DMD: variants seen among roughly 807,000 people sequenced by gnomAD.
The protein encoded by DMD is dystrophin, also known as mutant dystrophin.
A neutral mutation model predicts 330.1 loss-of-function variants in DMD; 63 were observed. That is an observed-to-expected ratio of 0.19 (90% CI 0.16 to 0.24). The LOEUF (loss-of-function observed/expected upper bound fraction) is 0.24, where lower values mean the gene tolerates loss of function less well. Among genes scored for constraint, DMD ranks in the 10% least tolerant of loss-of-function variants. The pLI is 1.00. For missense variants in DMD, 3,344 were observed against 2,684.1 expected, an observed-to-expected ratio of 1.25 and a Z score of -5.43; for synonymous variants, 1,223 against 959.8, an observed-to-expected ratio of 1.27 and a Z score of -5.07.
At chrX:32,644,917 T>G in intron 10 of DMD, 47 bp downstream of exon 10, 1 of 1,173,956 alleles carries the variant, frequency 8.5e-7, no homozygotes, top group Non-Finnish European at 1.2e-6. Flanking sequence ...GACTTGCCAT[T>G]ATAACAAGTC....
chrX:31,550,806 C>A (rs2074428438), intron 55 of DMD, among the ~76,000 whole-genome samples: 1 of 111,780 alleles, frequency 8.9e-6, no homozygotes, highest in African/African-American at 3.3e-5. Flanking sequence ...GTCTGGGTTT[C>A]CCATACAGCA....
chrX:31,350,855 T>C (rs756960218), intron 60 of DMD, among the ~76,000 whole-genome samples: 3 of 110,617 alleles, frequency 2.7e-5, no homozygotes, highest in Non-Finnish European at 5.7e-5. Context: ...ATTCAGTAGA[T>C]TGCCCTCCCC....
intron 2 of DMD, among the ~76,000 whole-genome samples, chrX:33,008,460 C>A (rs1448498608): frequency 9.1e-6 from 1 of 110,394 alleles, no homozygotes; most frequent in African/African-American, 3.3e-5. Context: ...CAGAGGAAGA[C>A]CTTCAGAGTG....
chrX:32,951,472 T>C (rs1207007762), intron 2 of DMD, among the ~76,000 whole-genome samples: 4 of 112,002 alleles, frequency 3.6e-5, no homozygotes, highest in Admixed American at 2.8e-4. Flanking sequence ...AAGTGGGCTA[T>C]TGAACAAAGA....
intron 18 of DMD, among the ~76,000 whole-genome samples, chrX:32,502,705 C>T: frequency 8.9e-6 from 1 of 112,094 alleles, no homozygotes; most frequent in South Asian, 3.7e-4. Context: ...CATATTATAA[C>T]AAAGATTTCT....
chrX:32,544,083 G>T (rs898451408), intron 17 of DMD, among the ~76,000 whole-genome samples: 1 of 111,636 alleles, frequency 9.0e-6, no homozygotes, highest in African/African-American at 3.3e-5. Context: ...TACCAAACTG[G>T]CAGCATGCTA....
At chrX:31,339,423 A>C (rs1183553271) in intron 61 of DMD, among the ~76,000 whole-genome samples, 1 of 111,602 alleles carries the variant, frequency 9.0e-6, no homozygotes, top group African/African-American at 3.3e-5. Flanking sequence ...TTTGTCCCAA[A>C]TTCCTAACAC....
chrX:31,840,087 C>G (rs773126833), intron 48 of DMD, among the ~76,000 whole-genome samples: 2 of 111,250 alleles, frequency 1.8e-5, no homozygotes, highest in Non-Finnish European at 3.8e-5. Context: ...CCTCATATTC[C>G]CTTAAATTTA....
At chrX:32,454,942 G>A (rs1468176348) in intron 25 of DMD, 110 bp from the exon 26 acceptor site, 1 of 923,003 alleles carries the variant, frequency 1.1e-6, no homozygotes, top group Non-Finnish European at 1.5e-6. Context: ...TAATGATAAA[G>A]AAGTAAAAAG....
chrX:32,669,584 C>T (rs1349779010), intron 9 of DMD, among the ~76,000 whole-genome samples: 1 of 111,777 alleles, frequency 8.9e-6, no homozygotes, highest in Admixed American at 9.5e-5. Flanking sequence ...TCTCTCTCCA[C>T]CCTAGCCCCT....
At chrX:32,237,827 T>C (rs61661964) in intron 43 of DMD, among the ~76,000 whole-genome samples, 11,581 of 111,512 alleles carry the variant, frequency 0.1, 627 homozygotes, top group East Asian at 0.46. Flanking sequence ...ACTACAATGA[T>C]CAGAACCCTT....
At chrX:31,242,234 C>T (rs902457061) in intron 63 of DMD, among the ~76,000 whole-genome samples, 2 of 77,610 alleles carry the variant, frequency 2.6e-5, no homozygotes, top group Admixed American at 2.1e-4. Context: ...CCAGCCTGGG[C>T]GACAAAGTGA....
chrX:31,443,140 G>T (rs1312920386), intron 60 of DMD, among the ~76,000 whole-genome samples: 1 of 111,513 alleles, frequency 9.0e-6, no homozygotes, highest in Non-Finnish European at 1.9e-5. Context: ...CATCCTGTTG[G>T]AAAGGAGAAA....
intron 15 of DMD, among the ~76,000 whole-genome samples, chrX:32,566,917 T>C (rs1180556701): frequency 8.9e-6 from 1 of 112,063 alleles, no homozygotes; most frequent in Non-Finnish European, 1.9e-5. Flanking sequence ...GCAAATACAA[T>C]GAATGTAAAC....
intron 68 of DMD, among the ~76,000 whole-genome samples, 161 bp from the exon 69 acceptor site, chrX:31,180,642 C>T (rs1357751154): frequency 1.8e-5 from 2 of 111,612 alleles, no homozygotes; most frequent in Non-Finnish European, 3.8e-5. Context: ...CAGATTTTTC[C>T]GGTGCCTCTC....
At chrX:32,459,456 G>A (rs1307139342) in intron 25 of DMD, among the ~76,000 whole-genome samples, 2 of 111,140 alleles carry the variant, frequency 1.8e-5, no homozygotes. Context: ...GCAAGAAACA[G>A]TATCTTATAT....
intron 43 of DMD, among the ~76,000 whole-genome samples, chrX:32,252,619 T>G (rs2097268436): frequency 1.2e-5 from 1 of 84,495 alleles, no homozygotes; most frequent in Non-Finnish European, 2.1e-5. Flanking sequence ...TAAATAAATA[T>G]ATAAATATGT....
intron 44 of DMD, among the ~76,000 whole-genome samples, chrX:31,998,270 T>C (rs1400458481): frequency 1.8e-5 from 2 of 111,893 alleles, no homozygotes; most frequent in Admixed American, 9.5e-5. Flanking sequence ...ATTTTAGAAA[T>C]ACGGTCAAAG....
chrX:32,693,600 C>T (rs753001026), intron 9 of DMD, among the ~76,000 whole-genome samples: 1 of 111,225 alleles, frequency 9.0e-6, no homozygotes, highest in Non-Finnish European at 1.9e-5. Context: ...CCACCACACT[C>T]GCTTAATTTT....
Sources: allele counts gnomAD v4.1 joint callset (sites outside exome capture counted in the v4.1 genomes callset), GRCh38; gene constraint gnomAD v4.1.1; transcripts MANE v1.5; gene names NCBI Gene and HGNC (gene_info 2026-07-23, HGNC 2026-07-21).